Variants in HEG1 observed in about 807,000 individuals in gnomAD.
HEG1 encodes the protein protein HEG homolog 1.
A neutral mutation model predicts 125.6 loss-of-function variants in HEG1; 56 were observed. That is an observed-to-expected ratio of 0.45 (90% CI 0.36 to 0.56). HEG1 has a LOEUF of 0.56. Among genes scored for constraint, HEG1 ranks in the 20% least tolerant of loss-of-function variants. HEG1 has a pLI of 0.00. For synonymous variants in HEG1, 644 were observed against 668.5 expected, an observed-to-expected ratio of 0.96 and a Z score of 0.57; for missense variants, 1,523 against 1,670.0, an observed-to-expected ratio of 0.91 and a Z score of 1.53.
intron 1 of HEG1, among the ~76,000 whole-genome samples, chr3:125,039,954 C>T (rs1053753218): frequency 3.3e-5 from 5 of 151,998 alleles, no homozygotes; most frequent in African/African-American, 4.8e-5. Flanking sequence ...GCCTATCACA[C>T]GGGCTTTGGA....
chr3:125,019,065 A>G (rs561539151), intron 5 of HEG1, among the ~76,000 whole-genome samples, 197 bp downstream of exon 5: 15 of 152,140 alleles, frequency 9.9e-5, no homozygotes, highest in Non-Finnish European at 1.8e-4. Context: ...ACAGGGTTTC[A>G]CCATGTAGGT....
At chr3:124,993,461 G>T (rs1936864669) in intron 12 of HEG1, among the ~76,000 whole-genome samples, 1 of 152,144 alleles carries the variant, frequency 6.6e-6, no homozygotes, top group Admixed American at 6.5e-5. Flanking sequence ...CTCTAAGGAG[G>T]CAGCTGAGTG....
chr3:124,992,121 T>C (rs545684605), intron 12 of HEG1, among the ~76,000 whole-genome samples: 1 of 152,252 alleles, frequency 6.6e-6, no homozygotes, highest in South Asian at 2.1e-4. Context: ...ACAGTCCTGG[T>C]GTGTACCCAG....
chr3:124,970,906 T>C, intron 16 of HEG1, 105 bp from the exon 17 acceptor site: 1 of 990,540 alleles, frequency 1.0e-6, no homozygotes, highest in Non-Finnish European at 1.5e-6. Flanking sequence ...AAGATCTGGG[T>C]TTATCCTGTA....
intron 1 of HEG1, among the ~76,000 whole-genome samples, chr3:125,037,079 A>G (rs1018644872): frequency 1.5e-4 from 23 of 152,370 alleles, no homozygotes; most frequent in Admixed American, 3.9e-4. Context: ...TGGTTAACTT[A>G]ATTATGAGAT....
In HEG1 at chr3:124,970,449, A is replaced by T. The variant is rs975944961; in HGVS notation, c.*203T>A. 1.7e-6 allele frequency: 1 copy of T among 572,306 alleles called. No individual in the cohort carries two copies. Among genetic ancestry groups the T allele is most frequent in the Non-Finnish European group, 3.1e-6 (1 of 320,336 alleles). 35.5% of individuals were successfully genotyped at this position (572,306 alleles called of 1,614,324 possible). On this transcript the variant is annotated 3_prime_UTR_variant, in exon 17 of 17. Coordinates refer to ENST00000311127, the MANE Select transcript of HEG1 (RefSeq NM_020733.2). ...GGCCCACATTCACGTTCACAGTAACAACAAAGGTGCTGAATGAGCAGCCTG... is the reference window on the plus strand; with the variant it reads ...GGCCCACATTCACGTTCACAGTAACTACAAAGGTGCTGAATGAGCAGCCTG...
chr3:125,012,614 G>A lies in HEG1; in HGVS notation c.2956+9C>T. The A allele has an allele frequency of 6.2e-7, 1 of 1,609,246 alleles. No homozygotes were observed. The highest frequency in any genetic ancestry group is 8.5e-7 in the Non-Finnish European group (1 of 1,177,478). On this transcript the variant is annotated intron_variant, in intron 6 of 16. Coordinates refer to ENST00000311127, the MANE Select transcript of HEG1 (RefSeq NM_020733.2). ...GCAGTTAACATGTGCTTGTGTGACT[G>A]TGTTTTACCTGAGGCTGAAGAGGAC... is the stretch of plus-strand genomic sequence containing the variant.
intron 7 of HEG1, among the ~76,000 whole-genome samples, chr3:125,010,061 A>C (rs1035828196): frequency 1.8e-4 from 28 of 152,222 alleles, no homozygotes; most frequent in Non-Finnish European, 4.4e-5. Flanking sequence ...GGAAACAGCA[A>C]ATTTTAATGG....
chr3:124,998,519 C>T (rs1282295687), intron 11 of HEG1, among the ~76,000 whole-genome samples: 1 of 152,206 alleles, frequency 6.6e-6, no homozygotes, highest in Admixed American at 6.5e-5. Flanking sequence ...CAGTGCCTGG[C>T]ACAGGGACTG....
intron 1 of HEG1, among the ~76,000 whole-genome samples, chr3:125,040,729 A>C (rs922596492): frequency 1.4e-4 from 21 of 150,390 alleles, no homozygotes; most frequent in Non-Finnish European, 3.0e-4. Context: ...TTTTTAAAGG[A>C]CTTTTAGCAC....
intron 14 of HEG1, among the ~76,000 whole-genome samples, chr3:124,978,492 CTT>C (rs1445323613): frequency 1.3e-5 from 2 of 152,172 alleles, no homozygotes; most frequent in African/African-American, 4.8e-5. Flanking sequence ...TGGCTCCTAA[CTT>C]TTACCTGTGC....
At chr3:124,981,376 C>CT (rs1936650614) in intron 14 of HEG1, among the ~76,000 whole-genome samples, 1 of 151,888 alleles carries the variant, frequency 6.6e-6, no homozygotes, top group African/African-American at 2.4e-5. Context: ...ATAAACATTT[C>CT]TAAGTGCTCA....
intron 3 of HEG1, among the ~76,000 whole-genome samples, chr3:125,022,777 C>CT (rs907409218): frequency 6.6e-6 from 1 of 152,072 alleles, no homozygotes; most frequent in Admixed American, 6.5e-5. Context: ...TCAGCCCTAA[C>CT]TTCATTAGAG....
At chr3:124,985,526 G>T (rs192788290) in intron 14 of HEG1, among the ~76,000 whole-genome samples, 1 of 152,198 alleles carries the variant, frequency 6.6e-6, no homozygotes, top group East Asian at 1.9e-4. Flanking sequence ...AGAAAAGGGT[G>T]GAGGCAAGGG....
intron 8 of HEG1, among the ~76,000 whole-genome samples, chr3:125,007,975 T>C (rs1413287325): frequency 6.6e-6 from 1 of 151,930 alleles, no homozygotes; most frequent in Non-Finnish European, 1.5e-5. Context: ...AGTGATACAA[T>C]CTCGACTCAC....
Position 124,969,530 on chromosome 3 carries a change from T to C in HEG1, c.*1122A>G, listed in dbSNP as rs1266249982. On this transcript the variant is annotated 3_prime_UTR_variant, in exon 17 of 17. Coordinates refer to ENST00000311127, the MANE Select transcript of HEG1 (RefSeq NM_020733.2). ...AAAGTTTACATGGGGTTTGTGGACA[T>C]GAGATTCTGGGTACAAAGTGCTGCA... 1 of 152,240 alleles carries C rather than the reference T, an allele frequency of 6.6e-6. No individual in the cohort carries two copies. Among genetic ancestry groups the C allele is most frequent in the Non-Finnish European group, 1.5e-5 (1 of 68,038 alleles). The allele number at this position is 152,240 out of a possible 1,614,324, so 9.4% of individuals were successfully genotyped here.
intron 6 of HEG1, among the ~76,000 whole-genome samples, chr3:125,011,877 C>T (rs1295484351): frequency 6.6e-6 from 1 of 152,198 alleles, no homozygotes; most frequent in Non-Finnish European, 1.5e-5. Flanking sequence ...ATCCTACTTC[C>T]TTCTACCGTT....
At chr3:124,979,452 T>C (rs1312762888) in intron 14 of HEG1, among the ~76,000 whole-genome samples, 1 of 152,216 alleles carries the variant, frequency 6.6e-6, no homozygotes, top group Non-Finnish European at 1.5e-5. Context: ...TTAGCAGTGA[T>C]TTAAGCAAGT....
chr3:125,007,575 T>A (rs1345582588), intron 8 of HEG1, among the ~76,000 whole-genome samples: 1 of 152,232 alleles, frequency 6.6e-6, no homozygotes, highest in Non-Finnish European at 1.5e-5. Flanking sequence ...AGTTAAATGG[T>A]ACCTCCCATC....
Sources: allele counts gnomAD v4.1 joint callset (sites outside exome capture counted in the v4.1 genomes callset), GRCh38; gene constraint gnomAD v4.1.1; transcripts MANE v1.5; gene names NCBI Gene and HGNC (gene_info 2026-07-23, HGNC 2026-07-21).